AGMO: variants seen among roughly 807,000 people sequenced by gnomAD.
AGMO encodes the protein alkylglycerol monooxygenase.
In AGMO, 75 loss-of-function variants were observed where a neutral mutation model predicts 60.2. That is an observed-to-expected ratio of 1.25 (90% CI 1.03 to 1.51). The LOEUF is 1.51. Ranked by LOEUF, AGMO falls within the 40% of genes most tolerant of loss-of-function variation. The pLI is 0.00. For synonymous variants in AGMO, 261 were observed against 177.1 expected, an observed-to-expected ratio of 1.47 and a Z score of -3.76; for missense variants, 763 against 525.5, an observed-to-expected ratio of 1.45 and a Z score of -4.42.
chr7:15,541,132 T>G (rs1021950264), intron 3 of AGMO, among the ~76,000 whole-genome samples: 27 of 151,708 alleles, frequency 1.8e-4, no homozygotes, highest in Admixed American at 4.6e-4. Flanking sequence ...TTTTTGTGGG[T>G]TTTTTTTGAG....
At chr7:15,281,572 T>G (rs1783966526) in intron 12 of AGMO, among the ~76,000 whole-genome samples, 1 of 152,134 alleles carries the variant, frequency 6.6e-6, no homozygotes, top group Non-Finnish European at 1.5e-5. Context: ...ATCACTTTCC[T>G]GCTAGCCTGG....
intron 3 of AGMO, among the ~76,000 whole-genome samples, chr7:15,490,369 C>G (rs2117836): frequency 0.65 from 98,846 of 151,810 alleles, 32,834 homozygotes; most frequent in East Asian, 0.97. Flanking sequence ...TAAAGAAATC[C>G]TCAATATTTT....
At chr7:15,307,319 T>C (rs549546997) in intron 12 of AGMO, among the ~76,000 whole-genome samples, 25 of 152,150 alleles carry the variant, frequency 1.6e-4, no homozygotes, top group African/African-American at 6.0e-4. Context: ...AATCACCAAT[T>C]TTATCACATG....
At chr7:15,338,465 A>ATCT (rs5882498) in intron 12 of AGMO, among the ~76,000 whole-genome samples, 83,460 of 151,484 alleles carry the variant, frequency 0.55, 24,180 homozygotes, top group African/African-American at 0.75. Context: ...TGATGCTCTG[A>ATCT]TCTTATTTAA....
chr7:15,273,838 A>G (rs1283487619), intron 12 of AGMO, among the ~76,000 whole-genome samples: 1 of 152,178 alleles, frequency 6.6e-6, no homozygotes, highest in Non-Finnish European at 1.5e-5. Context: ...GGTCCTTCAC[A>G]TCCCTTGTAA....
At chr7:15,274,172 G>C (rs1251329079) in intron 12 of AGMO, among the ~76,000 whole-genome samples, 1 of 152,152 alleles carries the variant, frequency 6.6e-6, no homozygotes, top group African/African-American at 2.4e-5. Context: ...GAAAAGGAGT[G>C]GTGAGAGAGG....
chr7:15,437,680 G>A (rs1409208290), intron 3 of AGMO, among the ~76,000 whole-genome samples: 5 of 151,996 alleles, frequency 3.3e-5, no homozygotes, highest in South Asian at 2.1e-4. Flanking sequence ...GATTACAGGC[G>A]CCCGCCACCA....
At chr7:15,384,954 C>A (rs558114819) in intron 10 of AGMO, among the ~76,000 whole-genome samples, 4 of 151,264 alleles carry the variant, frequency 2.6e-5, no homozygotes, top group Middle Eastern at 3.4e-3. Flanking sequence ...TGAACTAAAT[C>A]CTGGTCTAGT....
At chr7:15,480,914 T>C (rs1197051431) in intron 3 of AGMO, among the ~76,000 whole-genome samples, 2 of 145,348 alleles carry the variant, frequency 1.4e-5, no homozygotes, top group Non-Finnish European at 3.0e-5. Context: ...TTATAGATTC[T>C]TGGGCATCAG....
At chr7:15,283,117 T>A (rs12155342) in intron 12 of AGMO, among the ~76,000 whole-genome samples, 1 of 151,876 alleles carries the variant, frequency 6.6e-6, no homozygotes, top group African/African-American at 2.4e-5. Context: ...AAGTCCTATA[T>A]GAAACATAAT....
chr7:15,367,875 C>T (rs1783047294), intron 10 of AGMO, among the ~76,000 whole-genome samples: 1 of 152,086 alleles, frequency 6.6e-6, no homozygotes, highest in Non-Finnish European at 1.5e-5. Flanking sequence ...AGGAATTTCA[C>T]CTATTAGCTA....
intron 3 of AGMO, among the ~76,000 whole-genome samples, chr7:15,539,709 C>G (rs1044387665): frequency 6.6e-6 from 1 of 152,062 alleles, no homozygotes. Flanking sequence ...GAGGAATTGC[C>G]AAATTGCTTT....
At chr7:15,241,365 C>A (rs1382124841) in intron 12 of AGMO, among the ~76,000 whole-genome samples, 1 of 142,456 alleles carries the variant, frequency 7.0e-6, no homozygotes, top group Admixed American at 7.7e-5. Flanking sequence ...GAGGCTGAGG[C>A]AGGAGAATGG....
the AGMO span, among the ~76,000 whole-genome samples, chr7:15,191,349 G>GCA: frequency 1.3e-5 from 2 of 152,042 alleles, no homozygotes; most frequent in Admixed American, 6.6e-5. Context: ...ATTTTAGGTT[G>GCA]CACATAATCC....
At chr7:15,484,242 T>G (rs1782850821) in intron 3 of AGMO, among the ~76,000 whole-genome samples, 1 of 152,148 alleles carries the variant, frequency 6.6e-6, no homozygotes, top group African/African-American at 2.4e-5. Context: ...AAAGAAATTA[T>G]TATAATTATT....
chr7:15,506,278 CT>C (rs11339519), intron 3 of AGMO, among the ~76,000 whole-genome samples: 115,392 of 151,506 alleles, frequency 0.76, 44,310 homozygotes, highest in East Asian at 0.96. Flanking sequence ...ATTACTATTA[CT>C]TTTTTTTTAC....
chr7:15,252,369 A>T (rs753857014), intron 12 of AGMO, among the ~76,000 whole-genome samples: 1 of 152,156 alleles, frequency 6.6e-6, no homozygotes, highest in Non-Finnish European at 1.5e-5. Context: ...GTGTGGGTGG[A>T]GCCCATGACT....
chr7:15,382,653 C>G (rs1351623351), intron 10 of AGMO, among the ~76,000 whole-genome samples: 1 of 152,082 alleles, frequency 6.6e-6, no homozygotes, highest in Non-Finnish European at 1.5e-5. Flanking sequence ...TAACAAAATC[C>G]AAAGGAATTA....
chr7:15,296,180 A>G (rs765365770), intron 12 of AGMO, among the ~76,000 whole-genome samples: 1 of 152,116 alleles, frequency 6.6e-6, no homozygotes, highest in Non-Finnish European at 1.5e-5. Context: ...TAACTTCTCA[A>G]CCAATATAGT....
Sources: allele counts gnomAD v4.1 joint callset (sites outside exome capture counted in the v4.1 genomes callset), GRCh38; gene constraint gnomAD v4.1.1; transcripts MANE v1.5; gene names NCBI Gene and HGNC (gene_info 2026-07-23, HGNC 2026-07-21).